Variants in MCUB observed in about 807,000 individuals in gnomAD.
MCUB encodes mitochondrial calcium uniporter dominant negative subunit beta, also known as calcium uniporter regulatory subunit MCUb, mitochondrial.
Under a neutral mutation model 41.4 loss-of-function variants are expected in MCUB, and 46 were observed. That is an observed-to-expected ratio of 1.11 (90% confidence interval 0.88 to 1.42). The LOEUF (loss-of-function observed/expected upper bound fraction) is 1.42, where lower values mean the gene tolerates loss of function less well. Among genes scored for constraint, MCUB ranks in the 40% most tolerant of loss-of-function variants. MCUB has a pLI of 0.00. For synonymous variants in MCUB, 148 were observed against 148.2 expected (o/e 1.00, Z 0.01); for missense variants, 403 against 404.9 (o/e 1.00, Z 0.04).
intron 4 of MCUB, among the ~76,000 whole-genome samples, chr4:109,664,698 A>G (rs921516466): frequency 6.6e-5 from 10 of 152,156 alleles, no homozygotes; most frequent in Admixed American, 6.5e-4. Flanking sequence ...GTTTATGTTA[A>G]GAATCTTAAA....
intron 1 of MCUB, among the ~76,000 whole-genome samples, chr4:109,600,295 TG>T (rs1273362387): frequency 1.3e-5 from 2 of 152,226 alleles, no homozygotes; most frequent in Non-Finnish European, 2.9e-5. Flanking sequence ...CGTTTCTTTT[TG>T]GGCCATGTAG....
chr4:109,667,582 T>C (rs1310169904), intron 4 of MCUB, among the ~76,000 whole-genome samples: 2 of 151,228 alleles, frequency 1.3e-5, no homozygotes, highest in East Asian at 1.9e-4. Context: ...CTCAATTTCA[T>C]TGGTTTCTAC....
chr4:109,650,208 C>T (rs80086951), intron 1 of MCUB, among the ~76,000 whole-genome samples: 1,646 of 152,110 alleles, frequency 0.011, 37 homozygotes, highest in African/African-American at 0.037. Flanking sequence ...TAATAATAAC[C>T]CTCTAAAAAG....
At chr4:109,648,688 A>G in intron 1 of MCUB, 1 of 353,088 alleles carries the variant, frequency 2.8e-6, no homozygotes. Flanking sequence ...CCTATATAGC[A>G]GTTTGATTTT....
chr4:109,675,163 A>T (rs977268698), intron 4 of MCUB, among the ~76,000 whole-genome samples: 1 of 152,246 alleles, frequency 6.6e-6, no homozygotes, highest in Non-Finnish European at 1.5e-5. Flanking sequence ...TGCCACAGAC[A>T]AATGTTATGA....
At chr4:109,676,475 T>C (rs367995355) in intron 4 of MCUB, among the ~76,000 whole-genome samples, 5 of 152,348 alleles carry the variant, frequency 3.3e-5, no homozygotes, top group African/African-American at 1.2e-4. Context: ...ATTATTGTTA[T>C]GGACTTGCAA....
chr4:109,608,610 T>G (rs920446972), intron 1 of MCUB, among the ~76,000 whole-genome samples: 2 of 152,072 alleles, frequency 1.3e-5, no homozygotes, highest in African/African-American at 4.8e-5. Flanking sequence ...ACTCAACCTC[T>G]TGAGTAGCTG....
At chr4:109,577,160 T>G (rs992843735) in intron 1 of MCUB, among the ~76,000 whole-genome samples, 14 of 152,182 alleles carry the variant, frequency 9.2e-5, no homozygotes, top group Non-Finnish European at 1.5e-4. Flanking sequence ...GCAGAAATTA[T>G]TTCTTTATGG....
intron 1 of MCUB, among the ~76,000 whole-genome samples, chr4:109,629,186 G>T (rs2126137494): frequency 6.6e-6 from 1 of 151,968 alleles, no homozygotes; most frequent in East Asian, 1.9e-4. Flanking sequence ...ACCCAGGCTG[G>T]AGTGCAGTGC....
intron 1 of MCUB, among the ~76,000 whole-genome samples, chr4:109,605,507 C>T (rs745599324): frequency 5.3e-5 from 8 of 152,090 alleles, no homozygotes; most frequent in South Asian, 2.1e-4. Flanking sequence ...ATTCTATAGC[C>T]GTTGGATGAA....
chr4:109,624,298 GCA>G (rs1728316223), intron 1 of MCUB, among the ~76,000 whole-genome samples: 1 of 152,180 alleles, frequency 6.6e-6, no homozygotes, highest in East Asian at 1.9e-4. Context: ...TGCATTCAAA[GCA>G]CACTATGCCA....
At chr4:109,576,227 A>AG (rs1727024268) in intron 1 of MCUB, among the ~76,000 whole-genome samples, 1 of 152,218 alleles carries the variant, frequency 6.6e-6, no homozygotes. Context: ...TCCATTCCTG[A>AG]GGCTTAATTA....
At chr4:109,661,080 A>G (rs529263541) in intron 3 of MCUB, among the ~76,000 whole-genome samples, 2 of 152,324 alleles carry the variant, frequency 1.3e-5, no homozygotes, top group East Asian at 3.9e-4. Context: ...TTATAAAGCA[A>G]TTACAGTCTA....
intron 1 of MCUB, among the ~76,000 whole-genome samples, chr4:109,594,935 A>G (rs1215796283): frequency 6.6e-6 from 1 of 152,010 alleles, no homozygotes; most frequent in Non-Finnish European, 1.5e-5. Context: ...GAGAGCTCAA[A>G]GGGCTCTAGT....
At chr4:109,677,151 T>C (rs888046111) in intron 4 of MCUB, among the ~76,000 whole-genome samples, 32 of 152,246 alleles carry the variant, frequency 2.1e-4, no homozygotes, top group Non-Finnish European at 3.8e-4. Flanking sequence ...TAAGATTTAA[T>C]GTTGTTTACT....
chr4:109,615,926 C>T (rs1728116584), intron 1 of MCUB, among the ~76,000 whole-genome samples: 2 of 152,122 alleles, frequency 1.3e-5, no homozygotes, highest in Admixed American at 6.5e-5. Context: ...TCAGTGCTGG[C>T]GATCAGTGAG....
chr4:109,640,647 T>G (rs529069006), intron 1 of MCUB, among the ~76,000 whole-genome samples: 1 of 152,336 alleles, frequency 6.6e-6, no homozygotes, highest in African/African-American at 2.4e-5. Context: ...CTCATTTCTC[T>G]CAGACTTTAC....
chr4:109,598,359 G>A (rs1478081288), intron 1 of MCUB, among the ~76,000 whole-genome samples: 2 of 152,294 alleles, frequency 1.3e-5, no homozygotes, highest in African/African-American at 2.4e-5. Context: ...TTGGGAGGCC[G>A]AGGCTGGCGG....
intron 4 of MCUB, among the ~76,000 whole-genome samples, chr4:109,669,185 C>A (rs1729404967): frequency 1.3e-5 from 2 of 152,124 alleles, no homozygotes; most frequent in African/African-American, 4.8e-5. Context: ...TGAAGAACTT[C>A]TTTTAATATT....
Sources: gnomAD v4.1 joint callset for allele counts (sites outside exome capture counted in the v4.1 genomes callset) on GRCh38, gnomAD v4.1.1 for gene constraint, MANE v1.5 for transcripts, NCBI Gene and HGNC (gene_info 2026-07-23, HGNC 2026-07-21) for gene names.